SUGCT: variants seen among roughly 807,000 people sequenced by gnomAD.
The protein encoded by SUGCT is succinyl-CoA:glutarate-CoA transferase.
In SUGCT, 41 loss-of-function variants were observed where a neutral mutation model predicts 55.0. That is an observed-to-expected ratio of 0.74 (90% CI 0.58 to 0.97). The LOEUF (loss-of-function observed/expected upper bound fraction) is 0.97, where lower values mean the gene tolerates loss of function less well. SUGCT is among the 50% of genes least tolerant of loss of function. The probability of loss-of-function intolerance (pLI) is 0.00; values close to 1 mark genes in which losing one functional copy is unlikely to be tolerated. For synonymous variants in SUGCT, 187 were observed against 200.4 expected, an observed-to-expected ratio of 0.93 and a Z score of 0.56; for missense variants, 568 against 547.8, an observed-to-expected ratio of 1.04 and a Z score of -0.37.
the SUGCT span, among the ~76,000 whole-genome samples, chr7:40,913,954 A>T: frequency 6.6e-6 from 1 of 152,244 alleles, no homozygotes; most frequent in Non-Finnish European, 1.5e-5. Context: ...TCACCCACAC[A>T]AGAAAGGGAA....
At chr7:40,401,453 A>G (rs1490527651) in intron 9 of SUGCT, among the ~76,000 whole-genome samples, 1 of 152,170 alleles carries the variant, frequency 6.6e-6, no homozygotes, top group African/African-American at 2.4e-5. Flanking sequence ...GAAACATGGA[A>G]GTGGAATAGC....
At chr7:40,555,425 G>C (rs1458394300) in intron 12 of SUGCT, among the ~76,000 whole-genome samples, 1 of 151,896 alleles carries the variant, frequency 6.6e-6, no homozygotes, top group African/African-American at 2.4e-5. Flanking sequence ...TCAGTCCTGG[G>C]TGTTATTCAT....
the SUGCT span, among the ~76,000 whole-genome samples, chr7:40,928,487 T>A: frequency 6.6e-6 from 1 of 152,280 alleles, no homozygotes; most frequent in East Asian, 1.9e-4. Context: ...TTTCCATTTA[T>A]AATATTTTTA....
chr7:40,809,514 G>T (rs985633577), intron 13 of SUGCT, among the ~76,000 whole-genome samples: 2 of 151,954 alleles, frequency 1.3e-5, no homozygotes, highest in African/African-American at 2.4e-5. Flanking sequence ...ACTTAAAGAG[G>T]TTACTTTAAC....
At chr7:40,340,436 C>T (rs749495461) in intron 9 of SUGCT, among the ~76,000 whole-genome samples, 8 of 151,636 alleles carry the variant, frequency 5.3e-5, no homozygotes, top group South Asian at 2.1e-4. Flanking sequence ...ATCAAATCAA[C>T]GTGTGCATTA....
chr7:40,675,109 G>A (rs2151876761), intron 12 of SUGCT, among the ~76,000 whole-genome samples: 1 of 148,372 alleles, frequency 6.7e-6, no homozygotes, highest in Non-Finnish European at 1.5e-5. Flanking sequence ...TGCCTGGGCT[G>A]GAGTGTAGTG....
At chr7:40,294,567 G>A (rs941896960) in intron 8 of SUGCT, among the ~76,000 whole-genome samples, 5 of 152,068 alleles carry the variant, frequency 3.3e-5, no homozygotes, top group Admixed American at 2.0e-4. Context: ...GATTTGAGAC[G>A]GAGTTTCACT....
intron 12 of SUGCT, among the ~76,000 whole-genome samples, chr7:40,713,099 T>C (rs1785811943): frequency 6.6e-6 from 1 of 152,174 alleles, no homozygotes; most frequent in South Asian, 2.1e-4. Flanking sequence ...TTCTGTTCCG[T>C]TTCCTCACTT....
At chr7:40,225,593 G>A (rs551850562) in intron 6 of SUGCT, among the ~76,000 whole-genome samples, 17 of 151,796 alleles carry the variant, frequency 1.1e-4, no homozygotes, top group Non-Finnish European at 2.4e-4. Context: ...ATGCCACCAC[G>A]CTCAGCTAGT....
chr7:40,713,229 G>A (rs1017860325), intron 12 of SUGCT, among the ~76,000 whole-genome samples: 1 of 152,014 alleles, frequency 6.6e-6, no homozygotes, highest in Non-Finnish European at 1.5e-5. Context: ...TCTCTGGGGT[G>A]GAGACTGCTG....
chr7:40,528,553 T>TA (rs1411207424), intron 12 of SUGCT, among the ~76,000 whole-genome samples: 7 of 152,200 alleles, frequency 4.6e-5, no homozygotes, highest in African/African-American at 1.4e-4. Flanking sequence ...GTTTCTGTCT[T>TA]ATTTTCTCAG....
the SUGCT span, among the ~76,000 whole-genome samples, chr7:40,925,056 T>C: frequency 6.6e-6 from 1 of 152,196 alleles, no homozygotes. Context: ...CACCTAAAGC[T>C]TTTTGCAGTC....
intron 7 of SUGCT, among the ~76,000 whole-genome samples, chr7:40,271,264 C>A (rs1008790186): frequency 5.0e-4 from 76 of 152,208 alleles, no homozygotes; most frequent in African/African-American, 1.8e-3. Flanking sequence ...ATCCTTGTCT[C>A]ATTCTTTTAA....
intron 9 of SUGCT, among the ~76,000 whole-genome samples, chr7:40,440,533 C>T (rs918274358): frequency 4.6e-5 from 7 of 152,082 alleles, no homozygotes; most frequent in African/African-American, 1.4e-4. Flanking sequence ...ACTGGACTAT[C>T]TCAAAAGCTC....
At position 40,364,072 on chromosome 7, in the gene SUGCT, C is replaced by T. The variant is rs931252416; in HGVS notation, c.816+47217C>T. On this transcript the variant is annotated intron_variant, in intron 9 of 13. Transcript: ENST00000335693. ...TGATCCCTTTACCATTATGTAATGG[C>T]CTTCTTTGTCTCTTTTGATCTTTGT... is the stretch of plus-strand genomic sequence containing the variant. 1.2e-4 allele frequency among the ~76,000 whole-genome samples: 18 copies of T among 150,184 alleles called. 1 individual carries two copies. Among genetic ancestry groups the T allele is most frequent in the Admixed American group, 1.2e-3 (18 of 15,084 alleles).
In SUGCT at chr7:40,224,113, C is replaced by T. The variant is rs61210355; in HGVS notation, c.485-13522C>T. 4.8e-3 allele frequency among the ~76,000 whole-genome samples: 727 copies of T among 152,174 alleles called. 7 individuals are homozygous for T. Among genetic ancestry groups the T allele is most frequent in the African/African-American group, 0.016 (684 of 41,522 alleles). ...TCCTGTCATTTGAAATTTGATTTTG[C>T]TCCTGACAATGAAAAATATTTAACA... On this transcript the variant is annotated intron_variant, in intron 6 of 13. Coordinates refer to ENST00000335693, the MANE Select transcript of SUGCT (RefSeq NM_001193313.2).
chr7:40,886,265 G>A, the SUGCT span, among the ~76,000 whole-genome samples: 8 of 152,090 alleles, frequency 5.3e-5, no homozygotes, highest in East Asian at 3.9e-4. Flanking sequence ...ACCCTATCTC[G>A]TAGGTACTAT....
intron 12 of SUGCT, among the ~76,000 whole-genome samples, chr7:40,502,200 T>G (rs946832854): frequency 2.0e-5 from 3 of 152,236 alleles, no homozygotes; most frequent in Middle Eastern, 3.4e-3. Flanking sequence ...GTACTTTATG[T>G]TTTCTGAACA....
At chr7:40,178,634 C>G (rs1163511823) in intron 1 of SUGCT, among the ~76,000 whole-genome samples, 1 of 151,810 alleles carries the variant, frequency 6.6e-6, no homozygotes, top group Non-Finnish European at 1.5e-5. Flanking sequence ...TATATCTGAC[C>G]TGCTTTTTTC....
Sources: gnomAD v4.1 joint callset for allele counts (sites outside exome capture counted in the v4.1 genomes callset) on GRCh38, gnomAD v4.1.1 for gene constraint, MANE v1.5 for transcripts, NCBI Gene and HGNC (gene_info 2026-07-23, HGNC 2026-07-21) for gene names.